CCDC178: variants seen among roughly 807,000 people sequenced by gnomAD.
CCDC178 encodes the protein coiled-coil domain containing 178.
Under a neutral mutation model 117.4 loss-of-function variants are expected in CCDC178, and 126 were observed. That is an observed-to-expected ratio of 1.07 (90% confidence interval 0.93 to 1.24). CCDC178 has a LOEUF of 1.24. Among genes scored for constraint, CCDC178 ranks in the 50% most tolerant of loss-of-function variants. The pLI is 0.00. For missense variants in CCDC178, 1,030 were observed against 986.9 expected (o/e 1.04, Z -0.59); for synonymous variants, 283 against 313.4 (o/e 0.90, Z 1.02).
chr18:33,176,304 A>T (rs1212146007), intron 20 of CCDC178, among the ~76,000 whole-genome samples: 1 of 152,164 alleles, frequency 6.6e-6, no homozygotes, highest in Non-Finnish European at 1.5e-5. Context: ...ATAGCTCTGT[A>T]ACCCCCTGAA....
intron 21 of CCDC178, among the ~76,000 whole-genome samples, chr18:32,985,245 C>T (rs2055238307): frequency 6.6e-6 from 1 of 151,850 alleles, no homozygotes; most frequent in African/African-American, 2.4e-5. Flanking sequence ...AACATAAATG[C>T]TTATGAAGTT....
intron 16 of CCDC178, among the ~76,000 whole-genome samples, 166 bp downstream of exon 16, chr18:33,226,627 G>C (rs1027662328): frequency 1.3e-5 from 2 of 152,184 alleles, no homozygotes; most frequent in Non-Finnish European, 2.9e-5. Context: ...TGCATGATCA[G>C]ACACTGCTGG....
intron 20 of CCDC178, among the ~76,000 whole-genome samples, chr18:33,161,974 G>A (rs1252656910): frequency 6.6e-6 from 1 of 152,176 alleles, no homozygotes; most frequent in African/African-American, 2.4e-5. Flanking sequence ...TCTAGTTCTA[G>A]ATCCCTGGGG....
intron 20 of CCDC178, among the ~76,000 whole-genome samples, chr18:33,192,808 G>A (rs933031199): frequency 2.0e-5 from 3 of 151,724 alleles, no homozygotes; most frequent in Middle Eastern, 3.5e-3. Flanking sequence ...GGCTGAGGCA[G>A]GAGAATCTCT....
At chr18:33,338,844 T>C (rs1221465315) in intron 9 of CCDC178, among the ~76,000 whole-genome samples, 1 of 151,934 alleles carries the variant, frequency 6.6e-6, no homozygotes, top group Non-Finnish European at 1.5e-5. Flanking sequence ...CTAAAGAACT[T>C]ATTCATGTAA....
chr18:33,346,158 A>G, intron 9 of CCDC178, 53 bp downstream of exon 9: 1 of 1,353,056 alleles, frequency 7.4e-7, no homozygotes, highest in South Asian at 1.3e-5. Flanking sequence ...CCTGTAATTA[A>G]TTATCTGTGC....
At chr18:33,065,263 T>C (rs1271461622) in intron 21 of CCDC178, among the ~76,000 whole-genome samples, 1 of 152,282 alleles carries the variant, frequency 6.6e-6, no homozygotes, top group East Asian at 1.9e-4. Context: ...TCACCGCAAA[T>C]ATATGATAAA....
At chr18:33,066,631 G>A (rs2057021658) in intron 21 of CCDC178, among the ~76,000 whole-genome samples, 1 of 152,190 alleles carries the variant, frequency 6.6e-6, no homozygotes, top group Admixed American at 6.5e-5. Flanking sequence ...AAAGACACAT[G>A]TAAATGGAAA....
intron 14 of CCDC178, among the ~76,000 whole-genome samples, chr18:33,254,441 T>C (rs1336215828): frequency 6.6e-6 from 1 of 151,942 alleles, no homozygotes; most frequent in East Asian, 1.9e-4. Context: ...TGGATACTTA[T>C]TGAGCATTGA....
At chr18:33,068,795 A>G (rs2057061814) in intron 21 of CCDC178, among the ~76,000 whole-genome samples, 1 of 152,178 alleles carries the variant, frequency 6.6e-6, no homozygotes, top group Non-Finnish European at 1.5e-5. Flanking sequence ...CTCTTATTCA[A>G]CATGGTACTG....
chr18:33,134,220 C>G (rs1157595381), intron 20 of CCDC178, among the ~76,000 whole-genome samples: 2 of 151,920 alleles, frequency 1.3e-5, no homozygotes, highest in African/African-American at 4.8e-5. Context: ...ATTCTACTCA[C>G]ACATATGGTT....
At chr18:33,093,800 C>T (rs991351510) in intron 20 of CCDC178, among the ~76,000 whole-genome samples, 1 of 151,706 alleles carries the variant, frequency 6.6e-6, no homozygotes, top group Non-Finnish European at 1.5e-5. Flanking sequence ...GGGAATCTAT[C>T]CTAAGCAAAA....
Position 32,937,985 on chromosome 18 carries a change from G to A in CCDC178, c.*26C>T. Reference sequence around the variant, plus strand: ...GTGACTTTTCTTGTCTTTTATTTCAGCATCCAAGATACATTGGTTGTTTGC... The same window carrying A: ...GTGACTTTTCTTGTCTTTTATTTCAACATCCAAGATACATTGGTTGTTTGC... On this transcript the variant is annotated 3_prime_UTR_variant, in exon 23 of 23. Coordinates refer to ENST00000383096, the MANE Select transcript of CCDC178 (RefSeq NM_001105528.4). The A allele has an allele frequency of 6.5e-7, 1 of 1,533,108 alleles. No homozygotes were observed. Among genetic ancestry groups the A allele is most frequent in the Non-Finnish European group, 9.0e-7 (1 of 1,107,328 alleles). The allele number at this position is 1,533,108 out of a possible 1,614,324, so 95.0% of individuals were successfully genotyped here.
intron 11 of CCDC178, among the ~76,000 whole-genome samples, chr18:33,308,684 G>C (rs1351921394): frequency 6.6e-6 from 1 of 152,170 alleles, no homozygotes; most frequent in South Asian, 2.1e-4. Flanking sequence ...TGTGCTGTGA[G>C]AGGGACCCAG....
chr18:33,415,720 A>C (rs938188979), intron 2 of CCDC178, among the ~76,000 whole-genome samples: 16 of 152,152 alleles, frequency 1.1e-4, no homozygotes, highest in African/African-American at 3.9e-4. Flanking sequence ...AAATAAAAGA[A>C]AATTCAAAAG....
chr18:32,943,610 A>C (rs2054286226), intron 22 of CCDC178, among the ~76,000 whole-genome samples: 1 of 152,220 alleles, frequency 6.6e-6, no homozygotes, highest in South Asian at 2.1e-4. Flanking sequence ...CTCAGAATAC[A>C]ATCAGCAGAG....
chr18:33,427,025 A>T (rs1009722654), intron 2 of CCDC178, among the ~76,000 whole-genome samples: 1 of 152,170 alleles, frequency 6.6e-6, no homozygotes, highest in Admixed American at 6.5e-5. Flanking sequence ...CCTTAAACAT[A>T]GAAAAGATTC....
chr18:33,069,318 G>C (rs2057070918), intron 21 of CCDC178, among the ~76,000 whole-genome samples: 1 of 152,000 alleles, frequency 6.6e-6, no homozygotes, highest in African/African-American at 2.4e-5. Context: ...ATGGTACTGG[G>C]ATTAAAAACA....
chr18:33,344,339 TAAC>T (rs2062858294), intron 9 of CCDC178, among the ~76,000 whole-genome samples: 2 of 137,216 alleles, frequency 1.5e-5, no homozygotes, highest in African/African-American at 5.4e-5. Flanking sequence ...AAAAAATACA[TAAC>T]AATAATGAAT....
Sources: allele counts gnomAD v4.1 joint callset (sites outside exome capture counted in the v4.1 genomes callset), GRCh38; gene constraint gnomAD v4.1.1; transcripts MANE v1.5; gene names NCBI Gene and HGNC (gene_info 2026-07-23, HGNC 2026-07-21).